TBCK: variants seen among roughly 807,000 people sequenced by gnomAD.
TBCK encodes TBC1 domain containing kinase.
In TBCK, 99 loss-of-function variants were observed where a neutral mutation model predicts 113.4. The ratio of observed to expected loss-of-function variants is 0.87; its 90% CI spans 0.74 to 1.03. The LOEUF is 1.03. Among genes scored for constraint, TBCK ranks in the 50% least tolerant of loss-of-function variants. The pLI is 0.00. For missense variants in TBCK, 1,045 were observed against 1,061.3 expected (o/e 0.98, Z 0.21); for synonymous variants, 369 against 370.8 (o/e 1.00, Z 0.05).
chr4:106,191,853 G>A (rs572056942), intron 22 of TBCK, among the ~76,000 whole-genome samples: 5 of 152,206 alleles, frequency 3.3e-5, no homozygotes, highest in Non-Finnish European at 7.4e-5. Flanking sequence ...AACAACATGA[G>A]TGTTTAATAA....
chr4:106,233,450 T>C (rs1759096119), intron 16 of TBCK, 138 bp downstream of exon 16: 3 of 683,684 alleles, frequency 4.4e-6, no homozygotes, highest in Non-Finnish European at 5.1e-6. Context: ...AGCATAAGAG[T>C]TATGGTTTCT....
chr4:106,180,670 ATGGTTTCCAGCTTCATC>A (rs1481824312), intron 22 of TBCK, among the ~76,000 whole-genome samples: 5 of 152,246 alleles, frequency 3.3e-5, no homozygotes, highest in Middle Eastern at 3.4e-3. Flanking sequence ...GCTGAGAATG[ATGGTTTCCAGCTTCATC>A]CATGTCCCTG....
chr4:106,110,350 C>G (rs1372096747), intron 24 of TBCK, among the ~76,000 whole-genome samples: 1 of 152,152 alleles, frequency 6.6e-6, no homozygotes, highest in African/African-American at 2.4e-5. Context: ...GCGATAGAAC[C>G]CTCAAAAATG....
intron 11 of TBCK, among the ~76,000 whole-genome samples, chr4:106,243,464 TTTC>T (rs1760405901): frequency 6.6e-6 from 1 of 152,176 alleles, no homozygotes; most frequent in South Asian, 2.1e-4. Flanking sequence ...CTTTAAACCA[TTTC>T]TTCTTGGAAT....
At chr4:106,145,894 A>C (rs1377735493) in intron 23 of TBCK, among the ~76,000 whole-genome samples, 6 of 152,190 alleles carry the variant, frequency 3.9e-5, no homozygotes, top group Non-Finnish European at 7.3e-5. Flanking sequence ...AGTCAAAAAA[A>C]CAGATGCTGG....
chr4:106,065,309 C>T (rs1348190257), intron 25 of TBCK, among the ~76,000 whole-genome samples: 1 of 151,962 alleles, frequency 6.6e-6, no homozygotes, highest in Non-Finnish European at 1.5e-5. Flanking sequence ...TTCTGGGGCT[C>T]TCTGTATATA....
At chr4:106,235,688 G>A (rs1759377082) in intron 14 of TBCK, among the ~76,000 whole-genome samples, 1 of 151,968 alleles carries the variant, frequency 6.6e-6, no homozygotes, top group African/African-American at 2.4e-5. Context: ...TCTCATACGG[G>A]TTAAATAAGA....
At chr4:106,176,414 G>A (rs570205959) in intron 22 of TBCK, among the ~76,000 whole-genome samples, 137 of 152,130 alleles carry the variant, frequency 9.0e-4, no homozygotes, top group African/African-American at 3.2e-3. Flanking sequence ...GTTAGAATAT[G>A]TGATACTGTG....
chr4:106,283,104 T>C (rs1053519482), intron 3 of TBCK, among the ~76,000 whole-genome samples: 5 of 152,070 alleles, frequency 3.3e-5, no homozygotes, highest in Non-Finnish European at 7.4e-5. Context: ...AATTCATTTG[T>C]TTGAGAAATA....
rs144653435 is a variant in TBCK, at chr4:106,265,412, T to G, written c.267-3200A>C. Among the ~76,000 whole-genome samples the G allele has an allele frequency of 5.0e-3, 755 of 152,066 alleles. 4 individuals carry two copies. Among genetic ancestry groups the G allele is most frequent in the African/African-American group, 0.017 (726 of 41,536 alleles). On this transcript the variant is annotated intron_variant, in intron 3 of 25. Transcript: ENST00000394708. Reference sequence around the variant, plus strand: ...AATTGTACTTTCAGTTATTTTAAGATGTACAATTATTATTGACTACAGTCA... The same window carrying G: ...AATTGTACTTTCAGTTATTTTAAGAGGTACAATTATTATTGACTACAGTCA...
intron 19 of TBCK, among the ~76,000 whole-genome samples, chr4:106,229,844 T>C (rs890583595): frequency 4.6e-5 from 7 of 151,936 alleles, no homozygotes; most frequent in Non-Finnish European, 7.4e-5. Context: ...CAAGTTTGAA[T>C]GTGGCTAAAG....
At chr4:106,207,950 T>C (rs147709684) in intron 20 of TBCK, among the ~76,000 whole-genome samples, 1 of 152,332 alleles carries the variant, frequency 6.6e-6, no homozygotes, top group Non-Finnish European at 1.5e-5. Context: ...CTAGAGGACA[T>C]TCAGAAATAC....
At chr4:106,188,312 T>C (rs1753272479) in intron 22 of TBCK, among the ~76,000 whole-genome samples, 1 of 152,200 alleles carries the variant, frequency 6.6e-6, no homozygotes, top group Admixed American at 6.5e-5. Flanking sequence ...TATGTAGGGA[T>C]ATTTTAAACA....
At chr4:106,226,522 G>A (rs1300968029) in intron 19 of TBCK, among the ~76,000 whole-genome samples, 2 of 152,100 alleles carry the variant, frequency 1.3e-5, no homozygotes, top group Non-Finnish European at 2.9e-5. Flanking sequence ...GCCCAACACT[G>A]TATATTAATT....
chr4:106,115,656 C>T (rs938663302), intron 24 of TBCK, among the ~76,000 whole-genome samples: 4 of 152,158 alleles, frequency 2.6e-5, no homozygotes, highest in African/African-American at 9.7e-5. Context: ...AGAGACTGAA[C>T]TGTTACTATT....
At chr4:106,301,460 A>T (rs1579567480) in intron 2 of TBCK, among the ~76,000 whole-genome samples, 1 of 152,288 alleles carries the variant, frequency 6.6e-6, no homozygotes, top group East Asian at 1.9e-4. Context: ...TTGTTAACAT[A>T]GTATTTTCAG....
chr4:106,231,237 C>T (rs368440462), intron 18 of TBCK, among the ~76,000 whole-genome samples: 48 of 150,970 alleles, frequency 3.2e-4, no homozygotes, highest in East Asian at 1.6e-3. Context: ...AAAAAACCTG[C>T]CATTGAAAAA....
intron 25 of TBCK, among the ~76,000 whole-genome samples, chr4:106,063,020 A>G (rs926965952): frequency 7.9e-5 from 12 of 152,104 alleles, no homozygotes; most frequent in African/African-American, 2.9e-4. Context: ...TTTTTAGTTC[A>G]TGAGTCTTTC....
chr4:106,074,970 C>G (rs541205413), intron 25 of TBCK, among the ~76,000 whole-genome samples: 1 of 152,160 alleles, frequency 6.6e-6, no homozygotes, highest in Non-Finnish European at 1.5e-5. Flanking sequence ...GACTGGTTAA[C>G]AACTGGAAGC....
Sources: gnomAD v4.1 joint callset for allele counts (sites outside exome capture counted in the v4.1 genomes callset) on GRCh38, gnomAD v4.1.1 for gene constraint, MANE v1.5 for transcripts, NCBI Gene and HGNC (gene_info 2026-07-23, HGNC 2026-07-21) for gene names.